ANK1: variants seen among roughly 807,000 people sequenced by gnomAD.
ANK1 encodes ankyrin-1.
ANK1 carries 51 observed loss-of-function variants against 210.4 expected under a neutral mutation model. The observed-to-expected ratio is 0.24, with a 90% CI of 0.19 to 0.31. The LOEUF is 0.31. Among genes scored for constraint, ANK1 ranks in the 10% least tolerant of loss-of-function variants. ANK1 has a pLI of 1.00. For missense variants in ANK1, 2,051 were observed against 2,504.4 expected (o/e 0.82, Z 3.86); for synonymous variants, 967 against 1,025.9 (o/e 0.94, Z 1.10).
At chr8:41,838,503 C>A (rs76398793) in intron 1 of ANK1, among the ~76,000 whole-genome samples, 1 of 152,156 alleles carries the variant, frequency 6.6e-6, no homozygotes, top group Non-Finnish European at 1.5e-5. Context: ...TGGTGGCTCA[C>A]GTCTGTAATT....
intron 1 of ANK1, among the ~76,000 whole-genome samples, chr8:41,809,917 G>A (rs1160501838): frequency 6.6e-6 from 1 of 152,180 alleles, no homozygotes; most frequent in Non-Finnish European, 1.5e-5. Flanking sequence ...AAAGTAATCA[G>A]TCCTGTTGTT....
intron 1 of ANK1, among the ~76,000 whole-genome samples, chr8:41,795,111 C>T (rs949454928): frequency 2.0e-5 from 3 of 152,234 alleles, no homozygotes; most frequent in South Asian, 4.1e-4. Context: ...AACTGAAACC[C>T]TGCTTTTCTA....
intron 37 of ANK1, among the ~76,000 whole-genome samples, chr8:41,677,201 C>T (rs1297824681): frequency 1.3e-5 from 2 of 152,074 alleles, no homozygotes; most frequent in South Asian, 2.1e-4. Flanking sequence ...AGTATATATT[C>T]CTTATTCCTG....
chr8:41,771,473 C>T (rs1051570278), intron 1 of ANK1, among the ~76,000 whole-genome samples: 3 of 152,192 alleles, frequency 2.0e-5, no homozygotes, highest in African/African-American at 2.4e-5. Context: ...CAAGGCTGCA[C>T]GTTTTAACGT....
chr8:41,774,761 G>A (rs1031262424), intron 1 of ANK1, among the ~76,000 whole-genome samples: 9 of 152,234 alleles, frequency 5.9e-5, no homozygotes, highest in Admixed American at 3.3e-4. Flanking sequence ...CCTGGCCCAC[G>A]CCGCAGAGCA....
At chr8:41,888,659 T>C (rs1258823533) in intron 1 of ANK1, among the ~76,000 whole-genome samples, 2 of 152,236 alleles carry the variant, frequency 1.3e-5, no homozygotes, top group Admixed American at 1.3e-4. Flanking sequence ...AGTGATTATA[T>C]AGAGAAGATG....
chr8:41,730,904 G>A (rs1015972987), intron 3 of ANK1, among the ~76,000 whole-genome samples: 8 of 152,228 alleles, frequency 5.3e-5, no homozygotes, highest in Non-Finnish European at 4.4e-5. Flanking sequence ...AGAGGCTCAC[G>A]TCAAAGGTTT....
intron 1 of ANK1, among the ~76,000 whole-genome samples, chr8:41,792,091 G>A (rs983669493): frequency 2.0e-5 from 3 of 152,166 alleles, no homozygotes; most frequent in Non-Finnish European, 4.4e-5. Flanking sequence ...CCTGTAATGC[G>A]CTTTTCTTCC....
chr8:41,681,114 C>T (rs1048467380), intron 37 of ANK1, among the ~76,000 whole-genome samples: 1 of 152,234 alleles, frequency 6.6e-6, no homozygotes, highest in Non-Finnish European at 1.5e-5. Flanking sequence ...AGCTTAACGT[C>T]AGCAGCAAAT....
chr8:41,723,964 AT>A (rs1830034449), intron 7 of ANK1, among the ~76,000 whole-genome samples: 1 of 150,946 alleles, frequency 6.6e-6, no homozygotes, highest in African/African-American at 2.4e-5. Flanking sequence ...TAATTTTTGT[AT>A]TTTTAGTAGA....
chr8:41,826,813 C>G (rs566446722), intron 1 of ANK1, among the ~76,000 whole-genome samples: 2 of 151,896 alleles, frequency 1.3e-5, no homozygotes, highest in African/African-American at 4.8e-5. Context: ...CTAGCCTTGT[C>G]GTAACAATAA....
chr8:41,807,147 A>G (rs529174442), intron 1 of ANK1, among the ~76,000 whole-genome samples: 1 of 152,340 alleles, frequency 6.6e-6, no homozygotes, highest in Non-Finnish European at 1.5e-5. Context: ...ACTACTAGGT[A>G]TGCAATGGGT....
chr8:41,658,877 A>G (rs1421968376), intron 42 of ANK1, among the ~76,000 whole-genome samples: 1 of 151,802 alleles, frequency 6.6e-6, no homozygotes, highest in East Asian at 1.9e-4. Context: ...TGGGCGACAG[A>G]GCGAGACTCC....
intron 2 of ANK1, among the ~76,000 whole-genome samples, chr8:41,738,881 A>G (rs1834046632): frequency 6.6e-6 from 1 of 152,246 alleles, no homozygotes; most frequent in Non-Finnish European, 1.5e-5. Flanking sequence ...GATAAATCAC[A>G]TATTTCTTCC....
Position 41,879,543 on chromosome 8 carries a change from T to C in ANK1, c.126+16812A>G, listed in dbSNP as rs543615150. On this transcript the variant is annotated intron_variant, in intron 1 of 42. Coordinates refer to the ANK1 transcript ENST00000265709. ...TTCAAGGAGTGCAATGCCAGAGAGATGTAGGAAGGAGACCAAACAATTCTG... is the reference window on the plus strand; with the variant it reads ...TTCAAGGAGTGCAATGCCAGAGAGACGTAGGAAGGAGACCAAACAATTCTG... Among the ~76,000 whole-genome samples the C allele has an allele frequency of 7.2e-5, 11 of 152,306 alleles. No individual in the cohort carries two copies. In the East Asian group the frequency reaches 2.1e-3, roughly 29 times the overall value.
chr8:41,743,836 G>A (rs1057193607), intron 2 of ANK1, among the ~76,000 whole-genome samples: 5 of 152,146 alleles, frequency 3.3e-5, no homozygotes, highest in Admixed American at 6.5e-5. Context: ...ATAGACAGCT[G>A]TAGACGTAGT....
At chr8:41,672,226 G>T in intron 38 of ANK1, 128 bp downstream of exon 38, 1 of 993,978 alleles carries the variant, frequency 1.0e-6, no homozygotes, top group Non-Finnish European at 1.5e-6. Context: ...CTGAATGTAT[G>T]TGCTCCTGTG....
intron 1 of ANK1, among the ~76,000 whole-genome samples, chr8:41,866,480 C>A (rs1278801225): frequency 6.6e-6 from 1 of 152,222 alleles, no homozygotes; most frequent in African/African-American, 2.4e-5. Flanking sequence ...AGGCGTGAGC[C>A]ACTGTGCCTG....
chr8:41,858,710 C>T (rs1331407903), intron 1 of ANK1, among the ~76,000 whole-genome samples: 2 of 152,226 alleles, frequency 1.3e-5, no homozygotes. Context: ...ATCTTAGTCT[C>T]CTTGTCTAGA....
Sources: allele counts gnomAD v4.1 joint callset (sites outside exome capture counted in the v4.1 genomes callset), GRCh38; gene constraint gnomAD v4.1.1; transcripts MANE v1.5; gene names NCBI Gene and HGNC (gene_info 2026-07-23, HGNC 2026-07-21).